The following TMEM204 variants were observed in gnomAD, a reference collection of about 807,000 sequenced individuals.
TMEM204 encodes transmembrane protein 204.
TMEM204 carries 15 observed loss-of-function variants against 19.4 expected under a neutral mutation model. The ratio of observed to expected loss-of-function variants is 0.77; its 90% CI spans 0.52 to 1.19. TMEM204 has a LOEUF of 1.19. Ranked by LOEUF, TMEM204 falls within the 50% of genes most tolerant of loss-of-function variation. The pLI, the probability that TMEM204 is intolerant of heterozygous loss-of-function variation, is 0.00. For synonymous variants in TMEM204, 161 were observed against 146.0 expected (o/e 1.10, Z -0.74); for missense variants, 287 against 321.2 (o/e 0.89, Z 0.81).
intron 2 of TMEM204, among the ~76,000 whole-genome samples, chr16:1,546,550 T>C (rs1406934807): frequency 6.6e-6 from 1 of 152,224 alleles, no homozygotes; most frequent in East Asian, 1.9e-4. Context: ...GAAGCCCTGC[T>C]GGGTAACATG....
intron 2 of TMEM204, among the ~76,000 whole-genome samples, chr16:1,544,206 C>A (rs573587293): frequency 7.1e-6 from 1 of 141,084 alleles, no homozygotes; most frequent in Non-Finnish European, 1.5e-5. Context: ...TTTTTTGAGA[C>A]GAAGTCTCAC....
upstream of TMEM204, chr16:1,532,881 G>T (rs1181665374): frequency 6.6e-6 from 1 of 152,354 alleles, no homozygotes; most frequent in Admixed American, 6.5e-5. Flanking sequence ...CTCACAAGGT[G>T]ACCTGCCTAG....
chr16:1,541,234 T>C (rs1316527540), intron 1 of TMEM204: 1 of 985,194 alleles, frequency 1.0e-6, no homozygotes, highest in East Asian at 1.1e-4. Context: ...CTTAAGCCAC[T>C]GAGTGAAAGA....
chr16:1,547,966 G>A (rs998932467), intron 2 of TMEM204, among the ~76,000 whole-genome samples: 1 of 152,210 alleles, frequency 6.6e-6, no homozygotes, highest in African/African-American at 2.4e-5. Flanking sequence ...GTGGGCCACT[G>A]CAATCAGCCT....
intron 2 of TMEM204, among the ~76,000 whole-genome samples, chr16:1,548,040 C>T (rs2032317393): frequency 6.6e-6 from 1 of 152,202 alleles, no homozygotes; most frequent in Middle Eastern, 3.2e-3. Context: ...TATGTCCCTT[C>T]GTCTCTTCTT....
At chr16:1,535,287 A>G (rs546404816) in intron 1 of TMEM204, among the ~76,000 whole-genome samples, 11 of 152,238 alleles carry the variant, frequency 7.2e-5, no homozygotes, top group South Asian at 2.1e-4. Context: ...GGGGCTCAGA[A>G]TGATGCCACC....
At chr16:1,545,303 A>C (rs992241436) in intron 2 of TMEM204, among the ~76,000 whole-genome samples, 2 of 151,614 alleles carry the variant, frequency 1.3e-5, no homozygotes, top group Admixed American at 6.6e-5. Flanking sequence ...GGCGAGGGCC[A>C]GCAGCACCAA....
At chr16:1,530,379 C>T (rs2030337733), upstream of TMEM204, among the ~76,000 whole-genome samples, 1 of 152,118 alleles carries the variant, frequency 6.6e-6, no homozygotes, top group Middle Eastern at 3.4e-3. Flanking sequence ...GATCTGCTCG[C>T]CTCGGTCTCC....
Position 1,544,809 on chromosome 16 carries a change from T to C in TMEM204, c.436+2733T>C, listed in dbSNP as rs569607119. On this transcript the variant is annotated intron_variant, in intron 2 of 2. Coordinates refer to ENST00000566264, the MANE Select transcript of TMEM204 (RefSeq NM_024600.6). ...GACTACAGGCACCCGCCACCACGCC[T>C]GGCTAATTTTTTGTATTTTTAGTAG... 6.9e-4 allele frequency among the ~76,000 whole-genome samples: 99 copies of C among 144,376 alleles called. No individual in the cohort carries two copies. The East Asian group carries it at 0.012, about 18-fold the overall frequency. 94.7% of individuals were successfully genotyped at this position (144,376 alleles called of 152,430 possible). A position where few individuals can be genotyped will look rare whatever the true frequency, so the allele number is the denominator to read the frequency against.
At chr16:1,547,438 C>T (rs751461449) in intron 2 of TMEM204, among the ~76,000 whole-genome samples, 3 of 152,172 alleles carry the variant, frequency 2.0e-5, no homozygotes, top group East Asian at 1.9e-4. Context: ...GAATCTTGCT[C>T]GCTGGTGAGA....
chr16:1,537,074 G>A (rs1057337288), intron 1 of TMEM204, among the ~76,000 whole-genome samples: 1 of 152,232 alleles, frequency 6.6e-6, no homozygotes, highest in Non-Finnish European at 1.5e-5. Context: ...AGTGTTCCTT[G>A]TAAAATCACC....
chr16:1,547,050 T>TC (rs2032235926), intron 2 of TMEM204, among the ~76,000 whole-genome samples: 1 of 152,192 alleles, frequency 6.6e-6, no homozygotes, highest in Non-Finnish European at 1.5e-5. Flanking sequence ...TAGCTGGGTT[T>TC]CCCCTTGTTT....
In TMEM204 at chr16:1,555,163, G is replaced by A. The variant is rs1441836144; in HGVS notation, c.*137G>A. ...AGTCTGGGTGACCTCTGCGCCATGCGTGCGAGACACGTGTGCGTTTACTGT... is the reference window on the plus strand; with the variant it reads ...AGTCTGGGTGACCTCTGCGCCATGCATGCGAGACACGTGTGCGTTTACTGT... On this transcript the variant is annotated 3_prime_UTR_variant, in exon 3 of 3. Transcript: ENST00000566264. 7.5e-6 allele frequency: 8 copies of A among 1,073,074 alleles called. No homozygotes were observed. The highest frequency in any genetic ancestry group is 6.6e-5 in the South Asian group (4 of 60,630). The allele number at this position is 1,073,074 out of a possible 1,614,324, so 66.5% of individuals were successfully genotyped here.
At chr16:1,528,709 C>G (rs1455595830), upstream of TMEM204, 1 of 153,216 alleles carries the variant, frequency 6.5e-6, no homozygotes, top group Non-Finnish European at 1.5e-5. Flanking sequence ...AGGGCAGCAG[C>G]CCTGCAGCCT....
chr16:1,538,585 C>G (rs1432753887), intron 1 of TMEM204, among the ~76,000 whole-genome samples: 4 of 152,234 alleles, frequency 2.6e-5, no homozygotes, highest in African/African-American at 9.6e-5. Context: ...AGCTGCTCCT[C>G]TCTCGAACAT....
chr16:1,546,036 C>T (rs576910507), intron 2 of TMEM204, among the ~76,000 whole-genome samples: 1 of 152,370 alleles, frequency 6.6e-6, no homozygotes, highest in South Asian at 2.1e-4. Flanking sequence ...TAGCTTCTCC[C>T]CTCTCCTCCT....
upstream of TMEM204, among the ~76,000 whole-genome samples, chr16:1,529,625 G>A (rs1445215142): frequency 2.6e-5 from 4 of 152,182 alleles, no homozygotes; most frequent in African/African-American, 4.8e-5. Context: ...TGCTGCCCTC[G>A]GTCCTCTAGA....
intron 1 of TMEM204, chr16:1,541,428 G>A (rs896175647): frequency 2.0e-6 from 2 of 985,410 alleles, no homozygotes; most frequent in Non-Finnish European, 2.4e-6. Flanking sequence ...TGAGCCGCTT[G>A]GGGGTCGGGC....
intron 2 of TMEM204, among the ~76,000 whole-genome samples, chr16:1,543,604 C>T (rs568965289): frequency 6.6e-6 from 1 of 152,286 alleles, no homozygotes; most frequent in African/African-American, 2.4e-5. Flanking sequence ...CTCTGCATGC[C>T]CAACTTCGAA....
Sources: gnomAD v4.1 joint callset for allele counts (sites outside exome capture counted in the v4.1 genomes callset) on GRCh38, gnomAD v4.1.1 for gene constraint, MANE v1.5 for transcripts, NCBI Gene and HGNC (gene_info 2026-07-23, HGNC 2026-07-21) for gene names.